MROH6: variants seen among roughly 807,000 people sequenced by gnomAD.
MROH6 encodes maestro heat like repeat family member 6.
In MROH6, 62 loss-of-function variants were observed where a neutral mutation model predicts 67.7. The ratio of observed to expected loss-of-function variants is 0.92; its 90% CI spans 0.75 to 1.13. The LOEUF (loss-of-function observed/expected upper bound fraction) is 1.13. MROH6 is among the 50% of genes most tolerant of loss of function. The pLI is 0.00. For missense variants in MROH6, 1,175 were observed against 1,029.1 expected (o/e 1.14, Z -1.94); for synonymous variants, 566 against 470.8 (o/e 1.20, Z -2.62).
intron 10 of MROH6, 106 bp downstream of exon 10, chr8:143,568,446 C>A: frequency 6.9e-7 from 1 of 1,446,328 alleles, no homozygotes; most frequent in Non-Finnish European, 9.1e-7. Flanking sequence ...CCACTGAGGT[C>A]CTTGGGATGG....
chr8:143,568,961 C>G (rs1327534962), intron 9 of MROH6: 1 of 295,932 alleles, frequency 3.4e-6, no homozygotes, highest in Non-Finnish European at 5.6e-6. Flanking sequence ...AGGAGCTTGG[C>G]GGGACACGGC....
In MROH6 at chr8:143,567,341, G is replaced by A. The variant is rs1445034676; in HGVS notation, c.2058C>T (p.Ile686=). ...GTGGGGGCCGGGCGGGGCGCGGGGC[G>A]ATGCGGAGAAGGCGGGGCCCGCGGG... ...GCPRGPRLLR[I]APRPARPPPV... Residue 686 remains isoleucine, a synonymous_variant, in exon 14 of 14, where the codon ATC becomes ATT. Coordinates refer to ENST00000398882, the MANE Select transcript of MROH6 (RefSeq NM_001100878.2). 40 of 1,219,948 alleles carry A rather than the reference G, an allele frequency of 3.3e-5. No individual in the cohort carries two copies. The East Asian group carries it at 6.5e-4, about 20-fold the overall frequency. The allele number at this position is 1,219,948 out of a possible 1,614,324, so 75.6% of individuals were successfully genotyped here.
intron 7 of MROH6, 31 bp downstream of exon 7, chr8:143,569,920 C>G: frequency 6.2e-7 from 1 of 1,611,912 alleles, no homozygotes; most frequent in Non-Finnish European, 8.5e-7. Context: ...CCAGGGTCAC[C>G]CTTCACCACC....
intron 1 of MROH6, 56 bp from the exon 2 acceptor site, chr8:143,572,241 C>T: frequency 6.3e-7 from 1 of 1,590,076 alleles, no homozygotes; most frequent in Non-Finnish European, 8.6e-7. Context: ...AGCTCTCCTC[C>T]TGGTCCCTCG....
chr8:143,571,483 G>T (rs566335622), intron 3 of MROH6, among the ~76,000 whole-genome samples, 184 bp downstream of exon 3: 43 of 152,314 alleles, frequency 2.8e-4, no homozygotes, highest in African/African-American at 9.6e-4. Context: ...CAGGAGTGTG[G>T]GGGGAGTTTG....
rs1007145252 is a variant in MROH6 at position 143,567,413 on chromosome 8, G to A, written c.1986C>T (p.His662=). 46 of 1,312,374 alleles carry A rather than the reference G, an allele frequency of 3.5e-5. No individual in the cohort carries two copies. In the South Asian group the frequency reaches 5.9e-4, roughly 17 times the overall value. The allele number at this position is 1,312,374 out of a possible 1,614,324, so 81.3% of individuals were successfully genotyped here. A position where few individuals can be genotyped will look rare whatever the true frequency, so the allele number is the denominator to read the frequency against. Residue 662 remains histidine (H), a synonymous_variant, in exon 14 of 14, where the codon CAC becomes CAT. Transcript: ENST00000398882. ...DPKPAVAAAA[H]VSAQQVAMLA... is the part of the protein sequence containing the mutation. ...GCATCGCCACCTGCTGAGCGGACAC[G>A]TGCGCTGCCGCGGCCACAGCCGGCT...
At chr8:143,571,545 G>A (rs946546650) in intron 3 of MROH6, 122 bp downstream of exon 3, 11 of 1,315,808 alleles carry the variant, frequency 8.4e-6, no homozygotes, top group Admixed American at 5.2e-5. Context: ...GAGTCATCGC[G>A]GGGCTGGAAT....
rs746993376 is a variant in MROH6 at position 143,568,608 on chromosome 8, G to A, written c.1588C>T (p.Gln530Ter). Residue 530 changes from glutamine (Q) to a stop codon, truncating the protein, a stop_gained, in exon 10 of 14, where the codon CAG (glutamine) becomes TAG (stop). Transcript: ENST00000398882. LOFTEE classifies it high-confidence loss of function. Reference sequence around the variant, plus strand: ...CGCAGCAGCAGCGGCACGAGACTCTGCAGCACCAGCTTCCGCAGGGGGCCG... The same window carrying A: ...CGCAGCAGCAGCGGCACGAGACTCTACAGCACCAGCTTCCGCAGGGGGCCG... ...LRGPLRKLVL[Q>*]SLVPLLLRLH... 3 of 1,545,566 alleles carry A rather than the reference G, an allele frequency of 1.9e-6. No homozygotes were observed. Among genetic ancestry groups the A allele is most frequent in the African/African-American group, 1.4e-5 (1 of 73,490 alleles).
intron 1 of MROH6, 28 bp downstream of exon 1, chr8:143,572,393 G>A (rs367742802): frequency 2.6e-6 from 4 of 1,528,286 alleles, no homozygotes; most frequent in African/African-American, 1.4e-5. Flanking sequence ...AGGCCGGTTC[G>A]CACAACATCC....
chr8:143,572,079 G>A lies in MROH6; in HGVS notation c.401C>T (p.Thr134Ile), dbSNP rs10866911. ...GFAGTQATVL[T>I]LSSALEARGE... is the part of the protein sequence containing the mutation. ...CCGGGCCTCCAGGGCTGAGGACAGGGTGAGCACTGTCGCCTGGGTCCCTGC... is the reference window on the plus strand; with the variant it reads ...CCGGGCCTCCAGGGCTGAGGACAGGATGAGCACTGTCGCCTGGGTCCCTGC... The change falls in exon 2 of 14, where the codon ACC becomes ATC. Residue 134 changes from threonine (T) to isoleucine (I), a missense_variant. Physicochemically the swap from Thr to Ile is moderately conservative, Grantham distance 89 (BLOSUM62 -1). Coordinates refer to ENST00000398882, the MANE Select transcript of MROH6 (RefSeq NM_001100878.2). 781,888 of 1,611,940 alleles carry A rather than the reference G, an allele frequency of 0.49. 198,153 individuals carry two copies. The highest frequency in any genetic ancestry group is 0.53 in the Non-Finnish European group (626,706 of 1,179,310).
Position 143,572,634 on chromosome 8 carries a change from T to G in MROH6, c.81A>C (p.Gly27=). ...GGGGCTGCCCCTGCCTGGCCCGGAT[T>G]CCTTCAGTCAGTGCTGTCAGGGTTA... ...GALTLTALTE[G]IRARQGQPQG... is the part of the protein sequence containing the mutation. The change falls in exon 1 of 14, where the codon GGA becomes GGC. Residue 27 remains glycine (G), a synonymous_variant. Coordinates refer to ENST00000398882, the MANE Select transcript of MROH6 (RefSeq NM_001100878.2). The G allele has an allele frequency of 4.4e-6, 7 of 1,584,030 alleles. No homozygotes were observed. The highest frequency in any genetic ancestry group is 6.0e-6 in the Non-Finnish European group (7 of 1,170,170).
rs929250537 is a variant in MROH6, at chr8:143,567,297, G to C, written c.2102C>G (p.Pro701Arg). The change falls in exon 14 of 14, where the codon CCC becomes CGC. Residue 701 changes from proline to arginine, a missense_variant. Pro to Arg is a moderately radical substitution (Grantham distance 103). Transcript: ENST00000398882. ...GCCCGCGACGCTCCGGCGCTGGAAG[G>C]GGCTGTCGGCGAAGACTGGTGGGGG... ...ARPPPVFADS[P>R]FQRRSVAGRW... 1.6e-6 allele frequency: 2 copies of C among 1,221,866 alleles called. No individual in the cohort carries two copies. Among genetic ancestry groups the C allele is most frequent in the African/African-American group, 3.1e-5 (2 of 63,862 alleles). The allele number at this position is 1,221,866 out of a possible 1,614,324, so 75.7% of individuals were successfully genotyped here. A position where few individuals can be genotyped will look rare whatever the true frequency, so the allele number is the denominator to read the frequency against.
chr8:143,570,834 C>G, intron 4 of MROH6, 43 bp downstream of exon 4: 2 of 1,092,366 alleles, frequency 1.8e-6, no homozygotes, highest in Non-Finnish European at 2.6e-6. Context: ...TCGCCACCCC[C>G]CACCCCCGCC....
rs1237168855 is a variant in MROH6, at chr8:143,567,623, A to T, written c.1921T>A (p.Ser641Thr). ...GGTGGGGCCTCACCCTGGAACAGGGAGTCCAGCAGGTCCTGGTTGACACAG... is the reference window on the plus strand; with the variant it reads ...GGTGGGGCCTCACCCTGGAACAGGGTGTCCAGCAGGTCCTGGTTGACACAG... ...PGCVNQDLLD[S>T]LFQDLGRLQS... Residue 641 changes from serine to threonine, a missense_variant, in exon 13 of 14, where the codon TCC becomes ACC. Ser to Thr is a moderately conservative substitution (Grantham distance 58). Transcript: ENST00000398882. 1.9e-6 allele frequency: 3 copies of T among 1,565,190 alleles called. No individual in the cohort carries two copies. In the Admixed American group the frequency reaches 5.7e-5, roughly 30 times the overall value.
In MROH6 at chr8:143,567,371, G is replaced by C; in HGVS notation, c.2028C>G (p.Gly676=). 8.1e-7 allele frequency: 1 copy of C among 1,233,560 alleles called. No homozygotes were observed. 76.4% of individuals were successfully genotyped at this position (1,233,560 alleles called of 1,614,324 possible). The change falls in exon 14 of 14, where the codon GGC becomes GGG. Residue 676 remains glycine, a synonymous_variant. Transcript: ENST00000398882. ...GGAGAAGGCGGGGCCCGCGGGGGCA[G>C]CCCCGGGCACGGGCCAGCATCGCCA... ...QQVAMLARAR[G]CPRGPRLLRI...
In MROH6 at chr8:143,569,860, T is replaced by C. The variant is rs1277773186; in HGVS notation, c.1159-20A>G. 3.1e-6 allele frequency: 5 copies of C among 1,609,820 alleles called. No individual in the cohort carries two copies. Among genetic ancestry groups the C allele is most frequent in the Non-Finnish European group, 3.4e-6 (4 of 1,178,394 alleles). ...CAACAGCTAGGCGAGGCACATGGGG[T>C]CAGCACGCCCGCGGTCCCCGTGCAG... On this transcript the variant is annotated intron_variant, in intron 7 of 13. Transcript: ENST00000398882.
Position 143,567,345 on chromosome 8 carries a change from C to G in MROH6, c.2054G>C (p.Arg685Pro), listed in dbSNP as rs745975150. 8.2e-7 allele frequency: 1 copy of G among 1,219,254 alleles called. No individual in the cohort carries two copies. Among genetic ancestry groups the G allele is most frequent in the African/African-American group, 1.6e-5 (1 of 63,652 alleles). 75.5% of individuals were successfully genotyped at this position (1,219,254 alleles called of 1,614,324 possible). A position where few individuals can be genotyped will look rare whatever the true frequency, so the allele number is the denominator to read the frequency against. Residue 685 changes from arginine (R) to proline (P), a missense_variant, in exon 14 of 14, where the codon CGC (arginine) becomes CCC (proline). Arg to Pro is a moderately radical substitution (Grantham distance 103). Transcript: ENST00000398882. ...RGCPRGPRLLRIAPRPARPPP... is the reference protein window; with the variant it reads ...RGCPRGPRLLPIAPRPARPPP... The stretch of plus-strand genomic sequence containing the variant: ...GGGCCGGGCGGGGCGCGGGGCGATG[C>G]GGAGAAGGCGGGGCCCGCGGGGGCA...
Position 143,567,381 on chromosome 8 carries a change from C to G in MROH6, c.2018G>C (p.Arg673Pro). The G allele has an allele frequency of 8.1e-7, 1 of 1,237,376 alleles. No homozygotes were observed. Among genetic ancestry groups the G allele is most frequent in the Non-Finnish European group, 1.0e-6 (1 of 990,788 alleles). The allele number at this position is 1,237,376 out of a possible 1,614,324, so 76.6% of individuals were successfully genotyped here. Residue 673 changes from arginine to proline, a missense_variant, in exon 14 of 14, where the codon CGT becomes CCT. Arg to Pro is a moderately radical substitution (Grantham distance 103). Transcript: ENST00000398882. ...VSAQQVAMLA[R>P]ARGCPRGPRL... ...GGGCCCGCGGGGGCAGCCCCGGGCA[C>G]GGGCCAGCATCGCCACCTGCTGAGC...
At chr8:143,570,853 C>CCCGGGGAGGGG in intron 4 of MROH6, 24 bp downstream of exon 4, 1 of 1,479,330 alleles carries the variant, frequency 6.8e-7, no homozygotes, top group Non-Finnish European at 9.1e-7. Context: ...CCCCCACCCC[C>CCCGGGGAGGGG]TGGTAATGGC....
Sources: gnomAD v4.1 joint callset for allele counts (sites outside exome capture counted in the v4.1 genomes callset) on GRCh38, gnomAD v4.1.1 for gene constraint, MANE v1.5 for transcripts, NCBI Gene and HGNC (gene_info 2026-07-23, HGNC 2026-07-21) for gene names.